PPM1A: variants seen among roughly 807,000 people sequenced by gnomAD.
The protein encoded by PPM1A is protein phosphatase, Mg2+/Mn2+ dependent 1A.
A neutral mutation model predicts 35.0 loss-of-function variants in PPM1A; 7 were observed. That is an observed-to-expected ratio of 0.20 (90% CI 0.11 to 0.38). The LOEUF is 0.38. Ranked by LOEUF, PPM1A falls within the 10% of genes least tolerant of loss-of-function variation. The pLI, the probability that PPM1A is intolerant of heterozygous loss-of-function variation, is 1.00. For missense variants in PPM1A, 239 were observed against 467.8 expected (o/e 0.51, Z 4.51); for synonymous variants, 153 against 167.3 (o/e 0.91, Z 0.66).
At chr14:60,255,158 TG>T (rs1382002617) in intron 1 of PPM1A, among the ~76,000 whole-genome samples, 1,480 of 108,854 alleles carry the variant, frequency 0.014, 41 homozygotes, top group African/African-American at 0.094. Flanking sequence ...TTCTATCATA[TG>T]TTTTTTTTTT....
rs977814616 is a variant in PPM1A at position 60,295,267 on chromosome 14, C to T, written c.*2785C>T. 6.6e-6 allele frequency: 1 copy of T among 151,750 alleles called. No individual in the cohort carries two copies. The highest frequency in any genetic ancestry group is 2.4e-5 in the African/African-American group (1 of 41,386). 9.4% of individuals were successfully genotyped at this position (151,750 alleles called of 1,614,324 possible). ...ATTTCACTGATCTTTCTTTCATTAACAGGGTAGAATCTCCTAATTTCCACT... is the reference window on the plus strand; with the variant it reads ...ATTTCACTGATCTTTCTTTCATTAATAGGGTAGAATCTCCTAATTTCCACT... On this transcript the variant is annotated 3_prime_UTR_variant, in exon 6 of 6. Coordinates refer to ENST00000395076, the MANE Select transcript of PPM1A (RefSeq NM_021003.5).
Position 60,295,768 on chromosome 14 carries a change from T to A in PPM1A, c.*3286T>A, listed in dbSNP as rs1257124707. Reference sequence around the variant, plus strand: ...TGGATCACTCATCAAAAAATATATATATATATCTATTGCCCACCTGCTATC... The same window carrying A: ...TGGATCACTCATCAAAAAATATATAAATATATCTATTGCCCACCTGCTATC... On this transcript the variant is annotated 3_prime_UTR_variant, in exon 6 of 6. Transcript: ENST00000395076. 1 of 151,594 alleles carries A rather than the reference T, an allele frequency of 6.6e-6. No individual in the cohort carries two copies. Among genetic ancestry groups the A allele is most frequent in the East Asian group, 1.9e-4 (1 of 5,194 alleles). 9.4% of individuals were successfully genotyped at this position (151,594 alleles called of 1,614,324 possible).
At chr14:60,276,464 T>G (rs1043188543) in intron 1 of PPM1A, among the ~76,000 whole-genome samples, 2 of 152,218 alleles carry the variant, frequency 1.3e-5, no homozygotes, top group African/African-American at 4.8e-5. Context: ...GTCCTCTAGT[T>G]ACCAGTATCC....
rs117460240 is a variant in PPM1A at position 60,289,420 on chromosome 14, G to A, written c.953-386G>A. Among the ~76,000 whole-genome samples the A allele has an allele frequency of 2.1e-4, 32 of 152,068 alleles. No homozygotes were observed. Among genetic ancestry groups the A allele is most frequent in the Non-Finnish European group, 4.1e-4 (28 of 67,952 alleles). ...AATTGTTTATTTTTTAAAATTCCAC[G>A]CAGTGTATTATATAGGGCAAAGTTC... On this transcript the variant is annotated intron_variant, in intron 3 of 5. Coordinates refer to ENST00000395076, the MANE Select transcript of PPM1A (RefSeq NM_021003.5). This position sits in a 1 kb window ranked among gnomAD's most constrained non-coding sequence, Gnocchi z 4.1.
Position 60,296,709 on chromosome 14 carries a change from TA to T in PPM1A, c.*4228del, listed in dbSNP as rs1023609074. 2.0e-5 allele frequency: 7 copies of T among 350,516 alleles called. No homozygotes were observed. The highest frequency in any genetic ancestry group is 3.7e-5 in the Non-Finnish European group (7 of 191,620). 21.7% of individuals were successfully genotyped at this position (350,516 alleles called of 1,614,324 possible). A position where few individuals can be genotyped will look rare whatever the true frequency, so the allele number is the denominator to read the frequency against. The stretch of plus-strand genomic sequence containing the variant: ...GGAATATGCTTGAAATATTTAAGAA[TA>T]CATTTTCAAAATGTATAATACTGTA... On this transcript the variant is annotated 3_prime_UTR_variant, in exon 6 of 6. Coordinates refer to ENST00000395076, the MANE Select transcript of PPM1A (RefSeq NM_021003.5). This position sits in a 1 kb window ranked among gnomAD's most constrained non-coding sequence, Gnocchi z 4.4.
chr14:60,298,372 TACTA>T lies in PPM1A; in HGVS notation c.*5892_*5895del, dbSNP rs1888217429. ...ATTCTAAGGAATTAGGTTATTTACT[TACTA>T]ATTCAGGATGTTAAAATAACATCCA... On this transcript the variant is annotated 3_prime_UTR_variant, in exon 6 of 6. Transcript: ENST00000395076. 1 of 151,822 alleles carries T rather than the reference TACTA, an allele frequency of 6.6e-6. No homozygotes were observed. The highest frequency in any genetic ancestry group is 2.4e-5 in the African/African-American group (1 of 41,430). The allele number at this position is 151,822 out of a possible 1,614,324, so 9.4% of individuals were successfully genotyped here.
chr14:60,288,902 G>T (rs143835574), intron 3 of PPM1A, among the ~76,000 whole-genome samples: 2 of 152,184 alleles, frequency 1.3e-5, no homozygotes, highest in African/African-American at 4.8e-5. Flanking sequence ...TGCATGTGGA[G>T]TATGTGTGCT....
Position 60,295,604 on chromosome 14 carries a change from T to G in PPM1A, c.*3122T>G, listed in dbSNP as rs574750325. The G allele has an allele frequency of 1.3e-5, 2 of 151,764 alleles. No homozygotes were observed. The highest frequency in any genetic ancestry group is 3.9e-4 in the East Asian group (2 of 5,178). 9.4% of individuals were successfully genotyped at this position (151,764 alleles called of 1,614,324 possible). ...ATTAACCCAGCTAATAACTCAGTTT[T>G]TTTACAAAATGTTTCGAGTATTATT... is the stretch of plus-strand genomic sequence containing the variant. On this transcript the variant is annotated 3_prime_UTR_variant, in exon 6 of 6. Transcript: ENST00000395076.
At chr14:60,262,865 C>G (rs17256073) in intron 1 of PPM1A, among the ~76,000 whole-genome samples, 8,022 of 152,206 alleles carry the variant, frequency 0.053, 309 homozygotes, top group Non-Finnish European at 0.081. Context: ...TTTTCTGATT[C>G]TCTTAGTGCA....
intron 3 of PPM1A, chr14:60,286,904 A>G (rs1228299031): frequency 5.3e-6 from 5 of 951,440 alleles, no homozygotes; most frequent in African/African-American, 1.8e-5. Context: ...AGGGTCTTGG[A>G]ATTTTTATAT....
rs1886647387 is a variant in PPM1A at position 60,283,803 on chromosome 14, AT to A, written c.834+270del. Among the ~76,000 whole-genome samples, 3 of 152,332 alleles carry A rather than the reference AT, an allele frequency of 2.0e-5. No homozygotes were observed. In the South Asian group the frequency reaches 6.2e-4, roughly 32 times the overall value. The stretch of plus-strand genomic sequence containing the variant: ...GTGGAAGATTATCAAAGGTAAAAAG[AT>A]TTTATCAGAGTGCATGTTTTGAAAG... On this transcript the variant is annotated intron_variant, in intron 2 of 5. Transcript: ENST00000395076. This position sits in a 1 kb window ranked among gnomAD's most constrained non-coding sequence, Gnocchi z 6.3.
In PPM1A at chr14:60,279,298, A is replaced by G. The variant is rs903571216; in HGVS notation, c.-20-3386A>G. 8.6e-5 allele frequency among the ~76,000 whole-genome samples: 13 copies of G among 152,034 alleles called. 2 individuals carry two copies. The highest frequency in any genetic ancestry group is 1.9e-4 in the Non-Finnish European group (13 of 67,992). ...CACACCCGGCTAATTTTTTGTATTA[A>G]TAGAGACAGGGTTTCACCATGTTGG... On this transcript the variant is annotated intron_variant, in intron 1 of 5. Coordinates refer to ENST00000395076, the MANE Select transcript of PPM1A (RefSeq NM_021003.5).
At position 60,287,782 on chromosome 14, in the gene PPM1A, G is replaced by A. The variant is rs1406948093; in HGVS notation, c.953-2024G>A. 15 of 982,384 alleles carry A rather than the reference G, an allele frequency of 1.5e-5. No individual in the cohort carries two copies. In the Admixed American group the frequency reaches 9.2e-4, roughly 61 times the overall value. 60.9% of individuals were successfully genotyped at this position (982,384 alleles called of 1,614,324 possible). On this transcript the variant is annotated intron_variant, in intron 3 of 5. Transcript: ENST00000395076. ...TAATTTATACTACTATTAATTTTGT[G>A]GTCCTTCTAAGCCAATTTAAAATTA...
chr14:60,265,193 C>A (rs993628589), intron 1 of PPM1A, among the ~76,000 whole-genome samples: 1 of 152,192 alleles, frequency 6.6e-6, no homozygotes, highest in Non-Finnish European at 1.5e-5. Flanking sequence ...AAGAATAAGA[C>A]ACAAACTAAG....
chr14:60,276,131 C>T (rs1036679755), intron 1 of PPM1A, among the ~76,000 whole-genome samples: 1 of 152,074 alleles, frequency 6.6e-6, no homozygotes, highest in African/African-American at 2.4e-5. Flanking sequence ...ACCATTTGTC[C>T]TTATCTTTGA....
intron 1 of PPM1A, among the ~76,000 whole-genome samples, chr14:60,257,806 A>G (rs1427702693): frequency 6.9e-6 from 1 of 145,538 alleles, no homozygotes; most frequent in African/African-American, 2.6e-5. Context: ...AAGATAAGGG[A>G]TGGCTATATA....
chr14:60,252,459 C>T (rs183072183), intron 1 of PPM1A, among the ~76,000 whole-genome samples: 160 of 152,246 alleles, frequency 1.1e-3, no homozygotes, highest in Middle Eastern at 3.4e-3. Context: ...TTGGCCACGG[C>T]AGGGTTTTAT....
At position 60,296,486 on chromosome 14, in the gene PPM1A, A is replaced by G. The variant is rs1595387211; in HGVS notation, c.*4004A>G. Reference sequence around the variant, plus strand: ...AGGTTTTTCTTCTAAGGGACCTTAAAGAGTTTTATATACTTTTGCTCACAG... The same window carrying G: ...AGGTTTTTCTTCTAAGGGACCTTAAGGAGTTTTATATACTTTTGCTCACAG... On this transcript the variant is annotated 3_prime_UTR_variant, in exon 6 of 6. Transcript: ENST00000395076. The surrounding 1 kb of genome is among the most constrained non-coding windows in gnomAD (Gnocchi z 4.4). 2 of 285,130 alleles carry G rather than the reference A, an allele frequency of 7.0e-6. No homozygotes were observed. Among genetic ancestry groups the G allele is most frequent in the East Asian group, 1.1e-4 (2 of 18,890 alleles). 17.7% of individuals were successfully genotyped at this position (285,130 alleles called of 1,614,324 possible).
chr14:60,256,817 T>C (rs1566571701), intron 1 of PPM1A: 1 of 152,242 alleles, frequency 6.6e-6, no homozygotes, highest in Non-Finnish European at 1.5e-5. Flanking sequence ...GTTCTTGGAC[T>C]TTGCAGAAAT....
Sources: allele counts gnomAD v4.1 joint callset (sites outside exome capture counted in the v4.1 genomes callset), GRCh38; gene constraint gnomAD v4.1.1; non-coding constraint Gnocchi (gnomAD v3.1); transcripts MANE v1.5; gene names NCBI Gene and HGNC (gene_info 2026-07-23, HGNC 2026-07-21).